Variants in MYLK4 observed in about 807,000 individuals in gnomAD.
MYLK4 encodes the protein myosin light chain kinase family member 4, also known as caMLCK like.
A neutral mutation model predicts 48.1 loss-of-function variants in MYLK4; 46 were observed. The ratio of observed to expected loss-of-function variants is 0.96; its 90% CI spans 0.75 to 1.22. The LOEUF is 1.22. MYLK4 is among the 50% of genes most tolerant of loss of function. MYLK4 has a pLI of 0.00. For synonymous variants in MYLK4, 170 were observed against 180.8 expected, an observed-to-expected ratio of 0.94 and a Z score of 0.48; for missense variants, 451 against 486.1, an observed-to-expected ratio of 0.93 and a Z score of 0.68.
At chr6:2,763,069 A>G in the MYLK4 span, among the ~76,000 whole-genome samples, 1 of 152,208 alleles carries the variant, frequency 6.6e-6, no homozygotes, top group Non-Finnish European at 1.5e-5. Context: ...GGCCCCACCC[A>G]CAACCTGCTG....
intron 3 of MYLK4, among the ~76,000 whole-genome samples, chr6:2,692,423 A>T (rs1241008454): frequency 6.6e-6 from 1 of 152,094 alleles, no homozygotes; most frequent in African/African-American, 2.4e-5. Context: ...TTCTGGGTAG[A>T]TCTCTCTAGA....
At chr6:2,746,887 G>A (rs896146002) in intron 2 of MYLK4, among the ~76,000 whole-genome samples, 23 of 152,294 alleles carry the variant, frequency 1.5e-4, no homozygotes, top group Middle Eastern at 3.4e-3. Context: ...CCACCCACCC[G>A]CTGCCAAGCC....
chr6:2,763,899 C>T, the MYLK4 span, among the ~76,000 whole-genome samples: 1 of 151,858 alleles, frequency 6.6e-6, no homozygotes, highest in South Asian at 2.1e-4. Context: ...GTAATCCCAG[C>T]ACTTTGGGAG....
At chr6:2,767,779 G>A in the MYLK4 span, among the ~76,000 whole-genome samples, 1 of 152,230 alleles carries the variant, frequency 6.6e-6, no homozygotes, top group Non-Finnish European at 1.5e-5. Flanking sequence ...CCAAATGCCA[G>A]GCAAGAGGTT....
chr6:2,679,159 G>T, intron 9 of MYLK4, 121 bp downstream of exon 9: 2 of 1,181,620 alleles, frequency 1.7e-6, no homozygotes, highest in Non-Finnish European at 2.5e-6. Flanking sequence ...AGGCAACTGA[G>T]GATGGGACAG....
chr6:2,743,960 C>T (rs1415967419), intron 2 of MYLK4: 3 of 398,638 alleles, frequency 7.5e-6, no homozygotes, highest in Non-Finnish European at 1.3e-5. Flanking sequence ...CCGGATCAAG[C>T]ACCAGAGAAC....
chr6:2,754,590 C>T (rs913115059), upstream of MYLK4, among the ~76,000 whole-genome samples: 3 of 152,150 alleles, frequency 2.0e-5, no homozygotes, highest in African/African-American at 7.2e-5. Flanking sequence ...GACTGTACAA[C>T]TCATTCAGTT....
Position 2,723,162 on chromosome 6 carries a change from G to A in MYLK4, c.159+25974C>T, listed in dbSNP as rs1428577930. 6.6e-5 allele frequency among the ~76,000 whole-genome samples: 10 copies of A among 152,160 alleles called. 1 individual carries two copies. In the East Asian group the frequency reaches 7.8e-4, roughly 12 times the overall value. ...AAAAAAATTAGCTGGGCATGGTAGCGCATGCCTGTAGTCCCAGCTAATCAG... is the reference window on the plus strand; with the variant it reads ...AAAAAAATTAGCTGGGCATGGTAGCACATGCCTGTAGTCCCAGCTAATCAG... On this transcript the variant is annotated intron_variant, in intron 2 of 12. Coordinates refer to ENST00000274643, the MANE Select transcript of MYLK4 (RefSeq NM_001012418.5).
chr6:2,758,844 T>C, the MYLK4 span, among the ~76,000 whole-genome samples: 1 of 152,234 alleles, frequency 6.6e-6, no homozygotes, highest in African/African-American at 2.4e-5. Context: ...TAATATTTTG[T>C]TGTATGAATA....
At chr6:2,701,083 A>C (rs1191550191) in intron 2 of MYLK4, among the ~76,000 whole-genome samples, 2 of 152,208 alleles carry the variant, frequency 1.3e-5, no homozygotes, top group African/African-American at 4.8e-5. Flanking sequence ...TGTTCATTTC[A>C]TTAAAATGAG....
At chr6:2,689,044 C>T in intron 3 of MYLK4, 88 bp from the exon 4 acceptor site, 2 of 958,688 alleles carry the variant, frequency 2.1e-6, no homozygotes, top group Non-Finnish European at 3.4e-6. Context: ...TAAAAATGTG[C>T]TCATTTAATA....
the MYLK4 span, among the ~76,000 whole-genome samples, chr6:2,768,472 C>T: frequency 6.6e-6 from 1 of 152,194 alleles, no homozygotes; most frequent in African/African-American, 2.4e-5. Context: ...TCAGGATTAG[C>T]CTAAGGTTTA....
intron 2 of MYLK4, among the ~76,000 whole-genome samples, chr6:2,700,857 G>A (rs1252804694): frequency 1.3e-5 from 2 of 152,290 alleles, no homozygotes; most frequent in East Asian, 3.9e-4. Flanking sequence ...GGCTGAGGTG[G>A]AGAAATATCA....
intron 2 of MYLK4, among the ~76,000 whole-genome samples, chr6:2,703,904 C>T (rs1314764522): frequency 1.3e-5 from 2 of 152,004 alleles, no homozygotes; most frequent in African/African-American, 4.8e-5. Context: ...CTCTTGACCT[C>T]GTGATCTGCC....
intron 12 of MYLK4, among the ~76,000 whole-genome samples, chr6:2,670,036 A>C (rs1328816885): frequency 6.6e-6 from 1 of 152,190 alleles, no homozygotes; most frequent in African/African-American, 2.4e-5. Context: ...AGACATGCAA[A>C]AACCTCAGGC....
intron 7 of MYLK4, 100 bp from the exon 8 acceptor site, chr6:2,680,391 A>G: frequency 1.3e-6 from 2 of 1,586,126 alleles, no homozygotes; most frequent in Admixed American, 3.5e-5. Flanking sequence ...CAGAAAAAAC[A>G]TATCAGGCCT....
intron 2 of MYLK4, among the ~76,000 whole-genome samples, chr6:2,738,640 G>A (rs1361730329): frequency 6.6e-6 from 1 of 152,192 alleles, no homozygotes; most frequent in East Asian, 1.9e-4. Flanking sequence ...TAAAGAAAGT[G>A]GACGTTTTCA....
rs575738653 is a variant in MYLK4 at position 2,693,607 on chromosome 6, T to C, written c.160-748A>G. On this transcript the variant is annotated intron_variant, in intron 2 of 12. Transcript: ENST00000274643. ...CAAATTATCACAACTTCTAAAGTTTTGCATTATAAATTAATGACATTGTGT... is the reference window on the plus strand; with the variant it reads ...CAAATTATCACAACTTCTAAAGTTTCGCATTATAAATTAATGACATTGTGT... Among the ~76,000 whole-genome samples, 5 of 152,344 alleles carry C rather than the reference T, an allele frequency of 3.3e-5. No individual in the cohort carries two copies. In the East Asian group the frequency reaches 9.6e-4, roughly 29 times the overall value.
At chr6:2,722,910 T>C (rs541686448) in intron 2 of MYLK4, among the ~76,000 whole-genome samples, 5 of 152,236 alleles carry the variant, frequency 3.3e-5, no homozygotes, top group Non-Finnish European at 7.3e-5. Flanking sequence ...ATTCTTAGCA[T>C]GACAATTTGA....
Sources: gnomAD v4.1 joint callset for allele counts (sites outside exome capture counted in the v4.1 genomes callset) on GRCh38, gnomAD v4.1.1 for gene constraint, MANE v1.5 for transcripts, NCBI Gene and HGNC (gene_info 2026-07-23, HGNC 2026-07-21) for gene names.